PTPRD: variants seen among roughly 807,000 people sequenced by gnomAD.
PTPRD encodes the protein receptor-type tyrosine-protein phosphatase delta.
In PTPRD, 34 loss-of-function variants were observed where a neutral mutation model predicts 214.5. The ratio of observed to expected loss-of-function variants is 0.16; its 90% CI spans 0.12 to 0.21. The LOEUF (loss-of-function observed/expected upper bound fraction) is 0.21. Among genes scored for constraint, PTPRD ranks in the 10% least tolerant of loss-of-function variants. The pLI is 1.00. For synonymous variants in PTPRD, 1,128 were observed against 845.7 expected (o/e 1.33, Z -5.79); for missense variants, 2,545 against 2,398.7 (o/e 1.06, Z -1.27).
intron 3 of PTPRD, among the ~76,000 whole-genome samples, chr9:10,099,178 A>T: frequency 6.6e-6 from 1 of 151,742 alleles, no homozygotes; most frequent in Non-Finnish European, 1.5e-5. Flanking sequence ...AGTCAGCATA[A>T]GTGTACTTAT....
intron 10 of PTPRD, among the ~76,000 whole-genome samples, chr9:9,144,136 G>C (rs1226301018): frequency 1.3e-5 from 2 of 152,134 alleles, no homozygotes; most frequent in Non-Finnish European, 2.9e-5. Flanking sequence ...ATTTAAAAAA[G>C]TTAAATAAAG....
At chr9:8,933,830 T>A (rs1334075399) in intron 11 of PTPRD, among the ~76,000 whole-genome samples, 2 of 152,180 alleles carry the variant, frequency 1.3e-5, no homozygotes, top group African/African-American at 2.4e-5. Context: ...CAAGATTATA[T>A]CTTAATCTTT....
chr9:8,452,625 G>A (rs888151283), intron 33 of PTPRD, among the ~76,000 whole-genome samples: 1 of 152,008 alleles, frequency 6.6e-6, no homozygotes, highest in Non-Finnish European at 1.5e-5. Flanking sequence ...TAAAATGTTA[G>A]TGCGAGTTTA....
intron 39 of PTPRD, among the ~76,000 whole-genome samples, chr9:8,360,772 G>C (rs547791030): frequency 6.6e-6 from 1 of 152,208 alleles, no homozygotes; most frequent in East Asian, 1.9e-4. Flanking sequence ...TTTTATGATA[G>C]CACTTCCTGG....
chr9:9,934,088 G>A (rs1459401824), intron 5 of PTPRD, among the ~76,000 whole-genome samples: 1 of 149,860 alleles, frequency 6.7e-6, no homozygotes, highest in East Asian at 1.9e-4. Context: ...AGTGTGTAGA[G>A]GGAAATTTAT....
intron 7 of PTPRD, among the ~76,000 whole-genome samples, chr9:9,649,274 C>T (rs183653569): frequency 2.0e-5 from 3 of 152,238 alleles, no homozygotes; most frequent in Admixed American, 1.3e-4. Context: ...GCCAAAACTG[C>T]CTCTAGAACT....
intron 2 of PTPRD, among the ~76,000 whole-genome samples, chr9:10,416,993 A>T (rs539312374): frequency 6.6e-6 from 1 of 151,946 alleles, no homozygotes; most frequent in African/African-American, 2.4e-5. Flanking sequence ...AACAACTTTT[A>T]TCTTCCAGAC....
intron 7 of PTPRD, among the ~76,000 whole-genome samples, chr9:9,723,615 GAA>G (rs2098012547): frequency 6.6e-6 from 1 of 151,972 alleles, no homozygotes; most frequent in Non-Finnish European, 1.5e-5. Context: ...TCAATTTGGG[GAA>G]TACTGCCATC....
chr9:9,843,756 T>A (rs74870637), intron 5 of PTPRD, among the ~76,000 whole-genome samples: 1 of 151,982 alleles, frequency 6.6e-6, no homozygotes, highest in African/African-American at 2.4e-5. Flanking sequence ...AAACAAGATA[T>A]AAATTGCTGA....
chr9:8,430,614 C>A (rs1486934701), intron 35 of PTPRD, among the ~76,000 whole-genome samples: 1 of 152,054 alleles, frequency 6.6e-6, no homozygotes, highest in Non-Finnish European at 1.5e-5. Context: ...TCATCAATAT[C>A]TTTTAAAATG....
intron 3 of PTPRD, among the ~76,000 whole-genome samples, chr9:10,077,330 T>C (rs1378891178): frequency 6.6e-6 from 1 of 152,162 alleles, no homozygotes; most frequent in Non-Finnish European, 1.5e-5. Context: ...TTCATGCAAA[T>C]GTACTCTAGC....
chr9:10,050,638 A>T (rs1013157376), intron 3 of PTPRD, among the ~76,000 whole-genome samples: 1 of 149,560 alleles, frequency 6.7e-6, no homozygotes, highest in African/African-American at 2.5e-5. Flanking sequence ...GGGGCAATAA[A>T]ACTAACAAAA....
chr9:9,128,456 T>A (rs1386743344), intron 10 of PTPRD, among the ~76,000 whole-genome samples: 1 of 152,178 alleles, frequency 6.6e-6, no homozygotes. Flanking sequence ...ACAAAACATA[T>A]ATTCAATTAT....
At chr9:9,596,476 A>G (rs1164794892) in intron 7 of PTPRD, among the ~76,000 whole-genome samples, 1 of 151,946 alleles carries the variant, frequency 6.6e-6, no homozygotes, top group African/African-American at 2.4e-5. Context: ...TTTATTTACA[A>G]AGGTTGTTAT....
intron 8 of PTPRD, among the ~76,000 whole-genome samples, chr9:9,490,746 G>T (rs145339511): frequency 6.6e-6 from 1 of 151,646 alleles, no homozygotes; most frequent in South Asian, 2.1e-4. Flanking sequence ...AATGAGAAAA[G>T]AACTTAAACA....
intron 5 of PTPRD, among the ~76,000 whole-genome samples, chr9:9,883,906 G>A (rs758020056): frequency 2.6e-5 from 4 of 152,100 alleles, no homozygotes; most frequent in Non-Finnish European, 5.9e-5. Context: ...TATTCTGTTA[G>A]TAGCTCCTGG....
At chr9:9,539,462 GC>G (rs1181012363) in intron 8 of PTPRD, among the ~76,000 whole-genome samples, 1 of 151,828 alleles carries the variant, frequency 6.6e-6, no homozygotes, top group Non-Finnish European at 1.5e-5. Context: ...TAAGTCATGA[GC>G]TGATCTTTGG....
intron 7 of PTPRD, among the ~76,000 whole-genome samples, chr9:9,644,507 T>A (rs1350549959): frequency 6.6e-6 from 1 of 152,218 alleles, no homozygotes; most frequent in African/African-American, 2.4e-5. Flanking sequence ...ATATCTCCCA[T>A]TTCAGCTATG....
chr9:8,662,059 T>C (rs1225719983), intron 12 of PTPRD, among the ~76,000 whole-genome samples: 1 of 152,140 alleles, frequency 6.6e-6, no homozygotes, highest in Non-Finnish European at 1.5e-5. Context: ...TGGGACTCCA[T>C]ATGCATACCA....
Sources: gnomAD v4.1 joint callset for allele counts (sites outside exome capture counted in the v4.1 genomes callset) on GRCh38, gnomAD v4.1.1 for gene constraint, MANE v1.5 for transcripts, NCBI Gene and HGNC (gene_info 2026-07-23, HGNC 2026-07-21) for gene names.